TANC2: variants seen among roughly 807,000 people sequenced by gnomAD.
The protein encoded by TANC2 is tetratricopeptide repeat, ankyrin repeat and coiled-coil containing 2, also known as protein TANC2.
TANC2 carries 26 observed loss-of-function variants against 210.5 expected under a neutral mutation model. The observed-to-expected ratio is 0.12, with a 90% CI of 0.09 to 0.17. The LOEUF (loss-of-function observed/expected upper bound fraction) is 0.17, where lower values mean the gene tolerates loss of function less well. Ranked by LOEUF, TANC2 falls within the 10% of genes least tolerant of loss-of-function variation. The probability of loss-of-function intolerance (pLI) is 1.00; values close to 1 mark genes in which losing one functional copy is unlikely to be tolerated. For synonymous variants in TANC2, 931 were observed against 967.1 expected (o/e 0.96, Z 0.69); for missense variants, 2,129 against 2,608.9 (o/e 0.82, Z 4.01).
intron 8 of TANC2, among the ~76,000 whole-genome samples, chr17:63,264,456 G>A (rs189897158): frequency 3.1e-4 from 47 of 152,168 alleles, no homozygotes; most frequent in Non-Finnish European, 7.4e-5. Flanking sequence ...GCCTTTTTTG[G>A]ACTATTATGA....
At chr17:63,144,085 T>C (rs2145338031) in intron 4 of TANC2, among the ~76,000 whole-genome samples, 1 of 152,318 alleles carries the variant, frequency 6.6e-6, no homozygotes, top group Admixed American at 6.5e-5. Flanking sequence ...CTGTATTCTT[T>C]ATGGTATATA....
chr17:63,146,301 T>A (rs1161556062), intron 4 of TANC2, among the ~76,000 whole-genome samples: 2 of 152,144 alleles, frequency 1.3e-5, no homozygotes, highest in African/African-American at 2.4e-5. Flanking sequence ...CAGGTATTTT[T>A]CTGGAGTCTT....
intron 17 of TANC2, chr17:63,390,746 T>G (rs952617453): frequency 1.3e-5 from 2 of 152,250 alleles, no homozygotes; most frequent in Admixed American, 6.5e-5. Context: ...ATTACAAGCA[T>G]GAGCCACGGC....
exon 28 of TANC2, chr17:63,427,140 C>T (rs1179100383): frequency 6.6e-6 from 1 of 152,272 alleles, no homozygotes; most frequent in Non-Finnish European, 1.5e-5. Flanking sequence ...AGGCTCAGGG[C>T]AGGTGCCTTT....
chr17:63,234,017 A>G (rs1220471591), intron 7 of TANC2, among the ~76,000 whole-genome samples: 1 of 152,232 alleles, frequency 6.6e-6, no homozygotes. Context: ...TGAAGTTGTT[A>G]TCTGGAATGA....
In TANC2 at chr17:63,109,585, A is replaced by G. The variant is rs1042027747; in HGVS notation, c.322+10228A>G. Among the ~76,000 whole-genome samples the G allele has an allele frequency of 1.3e-5, 2 of 151,704 alleles. 1 individual carries two copies. Among genetic ancestry groups the G allele is most frequent in the African/African-American group, 4.9e-5 (2 of 40,978 alleles). On this transcript the variant is annotated intron_variant, in intron 4 of 27. Transcript: ENST00000689528. ...ACAGGCGAGTTTTAGCTAAACTTAC[A>G]AGTAATAATTATAATAATAGTAGTA...
intron 13 of TANC2, 134 bp from the exon 14 acceptor site, chr17:63,354,649 T>A: frequency 8.8e-7 from 1 of 1,139,000 alleles, no homozygotes; most frequent in Non-Finnish European, 1.2e-6. Context: ...ACTTTTTGGA[T>A]ACTAATACTT....
In TANC2 at chr17:63,097,018, G is replaced by T. The variant is rs1212641979; in HGVS notation, c.140-2157G>T. ...ATTTGTGTATCTTCTTTGGAGAAATGTTTATTCAAGTACTTTGAAGTTTTT... is the reference window on the plus strand; with the variant it reads ...ATTTGTGTATCTTCTTTGGAGAAATTTTTATTCAAGTACTTTGAAGTTTTT... On this transcript the variant is annotated intron_variant, in intron 3 of 27. Coordinates refer to ENST00000689528, the Ensembl canonical transcript of TANC2. Among the ~76,000 whole-genome samples, 6 of 151,130 alleles carry T rather than the reference G, an allele frequency of 4.0e-5. No homozygotes were observed. The South Asian group carries it at 8.4e-4, about 21-fold the overall frequency.
At chr17:63,335,177 C>T (rs2045983698) in intron 11 of TANC2, among the ~76,000 whole-genome samples, 1 of 152,158 alleles carries the variant, frequency 6.6e-6, no homozygotes, top group Non-Finnish European at 1.5e-5. Context: ...CTATCATGAA[C>T]CCTGTGATAT....
At chr17:63,340,284 G>A in exon 12 of TANC2, 2 of 1,613,918 alleles carry the variant, frequency 1.2e-6, no homozygotes, top group Non-Finnish European at 1.7e-6. Context: ...AGACCCCATG[G>A]CCTCCTTCCG....
chr17:62,997,001 G>T (rs1291296378), intron 1 of TANC2, among the ~76,000 whole-genome samples: 1 of 56,982 alleles, frequency 1.8e-5, no homozygotes, highest in East Asian at 2.5e-4. Flanking sequence ...TTTTAGTATA[G>T]ATGGGGTTTC....
chr17:62,993,746 G>A (rs1043468677), intron 1 of TANC2, among the ~76,000 whole-genome samples: 4 of 151,978 alleles, frequency 2.6e-5, no homozygotes, highest in Non-Finnish European at 5.9e-5. Context: ...GGTCAACATA[G>A]CAAGACCCCG....
At chr17:63,003,833 T>G (rs1273282155) in intron 1 of TANC2, among the ~76,000 whole-genome samples, 2 of 152,220 alleles carry the variant, frequency 1.3e-5, no homozygotes, top group African/African-American at 2.4e-5. Flanking sequence ...GGCTGTTGCT[T>G]TCTATGTTCC....
chr17:63,031,192 G>T (rs1272232297), intron 2 of TANC2, among the ~76,000 whole-genome samples: 1 of 151,984 alleles, frequency 6.6e-6, no homozygotes, highest in Non-Finnish European at 1.5e-5. Context: ...GGAGTGGATG[G>T]GAGATTTGCT....
chr17:63,200,746 C>G, intron 6 of TANC2, 25 bp from the exon 7 acceptor site: 3 of 1,598,592 alleles, frequency 1.9e-6, no homozygotes, highest in East Asian at 2.2e-5. Flanking sequence ...GGTTATCTTA[C>G]TTATTCATGA....
At chr17:63,054,546 AT>A (rs372855287) in intron 2 of TANC2, among the ~76,000 whole-genome samples, 578 of 136,884 alleles carry the variant, frequency 4.2e-3, no homozygotes, top group Admixed American at 6.6e-3. Flanking sequence ...TAATTTTTGT[AT>A]TTTTTTTTTT....
intron 13 of TANC2, among the ~76,000 whole-genome samples, chr17:63,352,410 A>G (rs544935791): frequency 1.3e-5 from 2 of 152,152 alleles, no homozygotes; most frequent in Non-Finnish European, 2.9e-5. Flanking sequence ...GATGTTTATT[A>G]TTAATCTCAA....
chr17:63,195,325 G>C lies in TANC2; in HGVS notation c.582+1186G>C, dbSNP rs148727430. Among the ~76,000 whole-genome samples, 454 of 152,240 alleles carry C rather than the reference G, an allele frequency of 3.0e-3. 2 individuals are homozygous for C. Among genetic ancestry groups the C allele is most frequent in the South Asian group, 4.6e-3 (22 of 4,828 alleles). On this transcript the variant is annotated intron_variant, in intron 6 of 27. Coordinates refer to ENST00000689528, the Ensembl canonical transcript of TANC2. ...CATGTCAGATTTCTCCCTAGAACCT[G>C]TGCCTTCTGCAGTGTTTCCCATATG...
chr17:63,052,506 G>C (rs1040145926), intron 2 of TANC2, among the ~76,000 whole-genome samples: 8 of 152,134 alleles, frequency 5.3e-5, no homozygotes, highest in African/African-American at 1.7e-4. Flanking sequence ...TGCTACCATA[G>C]TATAGGGGAG....
Sources: allele counts gnomAD v4.1 joint callset (sites outside exome capture counted in the v4.1 genomes callset), GRCh38; gene constraint gnomAD v4.1.1; transcripts MANE v1.5; gene names NCBI Gene and HGNC (gene_info 2026-07-23, HGNC 2026-07-21).